PAIP2B: variants seen among roughly 807,000 people sequenced by gnomAD.
The protein encoded by PAIP2B is polyadenylate-binding protein-interacting protein 2B.
PAIP2B carries 13 observed loss-of-function variants against 17.0 expected under a neutral mutation model. The ratio of observed to expected loss-of-function variants is 0.76; its 90% CI spans 0.50 to 1.22. The LOEUF is 1.22. Among genes scored for constraint, PAIP2B ranks in the 50% most tolerant of loss-of-function variants. The pLI, the probability that PAIP2B is intolerant of heterozygous loss-of-function variation, is 0.00. For synonymous variants in PAIP2B, 43 were observed against 48.7 expected (o/e 0.88, Z 0.48); for missense variants, 117 against 144.5 (o/e 0.81, Z 0.98).
chr2:71,220,166 G>C (rs1463940724), intron 1 of PAIP2B, among the ~76,000 whole-genome samples: 1 of 152,152 alleles, frequency 6.6e-6, no homozygotes, highest in Non-Finnish European at 1.5e-5. Flanking sequence ...ATTTCCGAAG[G>C]TGCCTCTCAT....
In PAIP2B at chr2:71,190,446, A is replaced by T. The variant is rs971058013; in HGVS notation, c.139-425T>A. Reference sequence around the variant, plus strand: ...TTCTTTAAAAAATAAAAATATATTTAAAAAAAAGATTTTATGATCTTACAT... The same window carrying T: ...TTCTTTAAAAAATAAAAATATATTTTAAAAAAAGATTTTATGATCTTACAT... On this transcript the variant is annotated intron_variant, in intron 2 of 3. Coordinates refer to ENST00000244221, the MANE Select transcript of PAIP2B (RefSeq NM_020459.1). 2.9e-4 allele frequency among the ~76,000 whole-genome samples: 44 copies of T among 152,136 alleles called. No individual in the cohort carries two copies. In the Middle Eastern group the frequency reaches 0.014, roughly 47 times the overall value.
intron 2 of PAIP2B, among the ~76,000 whole-genome samples, chr2:71,198,435 G>A (rs551781059): frequency 1.6e-3 from 249 of 152,040 alleles, no homozygotes; most frequent in African/African-American, 5.3e-3. Context: ...ACAGGCGCCC[G>A]CTACCACGCC....
rs1455023771 is a variant in PAIP2B at position 71,188,289 on chromosome 2, T to C, written c.*190A>G. 9.3e-6 allele frequency: 5 copies of C among 535,404 alleles called. No individual in the cohort carries two copies. The highest frequency in any genetic ancestry group is 3.5e-5 in the Admixed American group (1 of 28,186). 33.2% of individuals were successfully genotyped at this position (535,404 alleles called of 1,614,324 possible). A position where few individuals can be genotyped will look rare whatever the true frequency, so the allele number is the denominator to read the frequency against. ...CCAAACAAAAGTCAGCAGAACAAAATAGAAATACTCAGAGGCTTAGAATAA... is the reference window on the plus strand; with the variant it reads ...CCAAACAAAAGTCAGCAGAACAAAACAGAAATACTCAGAGGCTTAGAATAA... On this transcript the variant is annotated 3_prime_UTR_variant, in exon 4 of 4. Transcript: ENST00000244221.
rs1207919037 is a variant in PAIP2B, at chr2:71,210,756, C to T, written c.-11-8156G>A. Among the ~76,000 whole-genome samples, 3 of 152,106 alleles carry T rather than the reference C, an allele frequency of 2.0e-5. No individual in the cohort carries two copies. The East Asian group carries it at 5.8e-4, about 29-fold the overall frequency. On this transcript the variant is annotated intron_variant, in intron 1 of 3. Coordinates refer to ENST00000244221, the MANE Select transcript of PAIP2B (RefSeq NM_020459.1). ...TGAGAAAGACAATATAAATACAATA[C>T]AACCTCTTTTTTATTAATGTTTAAA...
intron 2 of PAIP2B, among the ~76,000 whole-genome samples, chr2:71,199,096 T>C (rs968915867): frequency 1.3e-5 from 2 of 152,212 alleles, no homozygotes; most frequent in Non-Finnish European, 2.9e-5. Context: ...CCAGTACTTA[T>C]ATTGCTTTGT....
intron 2 of PAIP2B, among the ~76,000 whole-genome samples, chr2:71,201,738 C>T (rs1254700851): frequency 1.3e-5 from 2 of 152,152 alleles, no homozygotes; most frequent in South Asian, 2.1e-4. Flanking sequence ...TATCACATTT[C>T]CTATAAGCAA....
intron 2 of PAIP2B, among the ~76,000 whole-genome samples, chr2:71,194,758 T>C (rs1234650057): frequency 6.6e-6 from 1 of 152,192 alleles, no homozygotes; most frequent in Non-Finnish European, 1.5e-5. Flanking sequence ...GGACTTCCAA[T>C]ACTATGTTGA....
intron 1 of PAIP2B, among the ~76,000 whole-genome samples, chr2:71,220,415 T>C (rs1486748853): frequency 2.0e-5 from 3 of 152,226 alleles, no homozygotes; most frequent in Admixed American, 1.3e-4. Flanking sequence ...ATAGAAAGTA[T>C]ACAATAAACC....
At chr2:71,202,631 A>C (rs1488105843) in intron 1 of PAIP2B, 31 bp from the exon 2 acceptor site, 5 of 1,567,948 alleles carry the variant, frequency 3.2e-6, no homozygotes, top group Non-Finnish European at 4.4e-6. Context: ...AGATAAAATG[A>C]ATATAAGGAT....
intron 1 of PAIP2B, among the ~76,000 whole-genome samples, chr2:71,223,516 C>A (rs909669900): frequency 3.6e-4 from 54 of 151,626 alleles, no homozygotes; most frequent in African/African-American, 1.2e-3. Context: ...CGGCTCACTG[C>A]AACCTCCACC....
At chr2:71,210,672 C>T (rs1156234521) in intron 1 of PAIP2B, among the ~76,000 whole-genome samples, 1 of 152,130 alleles carries the variant, frequency 6.6e-6, no homozygotes, top group Non-Finnish European at 1.5e-5. Context: ...TAAAATATAT[C>T]AAAACAAAGG....
At chr2:71,189,272 C>T (rs977100173) in intron 3 of PAIP2B, among the ~76,000 whole-genome samples, 7 of 152,160 alleles carry the variant, frequency 4.6e-5, no homozygotes, top group Non-Finnish European at 7.3e-5. Context: ...CTCAGCCTCC[C>T]AAAGTGCTGG....
chr2:71,189,758 G>C, intron 3 of PAIP2B, 87 bp downstream of exon 3: 1 of 1,302,214 alleles, frequency 7.7e-7, no homozygotes, highest in Admixed American at 2.6e-5. Context: ...GACTTGTTGA[G>C]GGTTGTAGGG....
chr2:71,185,269 C>G lies in PAIP2B; in HGVS notation c.*3210G>C, dbSNP rs1674506443. On this transcript the variant is annotated 3_prime_UTR_variant, in exon 4 of 4. Coordinates refer to ENST00000244221, the MANE Select transcript of PAIP2B (RefSeq NM_020459.1). ...CATTATAACCTTAATTAAAGAGACC[C>G]CAGGCTGGGGTGGCTCACCACACCC... The G allele has an allele frequency of 6.6e-6, 1 of 151,994 alleles. No individual in the cohort carries two copies. Among genetic ancestry groups the G allele is most frequent in the African/African-American group, 2.4e-5 (1 of 41,384 alleles). The allele number at this position is 151,994 out of a possible 1,614,324, so 9.4% of individuals were successfully genotyped here. A position where few individuals can be genotyped will look rare whatever the true frequency, so the allele number is the denominator to read the frequency against.
intron 1 of PAIP2B, among the ~76,000 whole-genome samples, chr2:71,221,716 T>G (rs1675585282): frequency 1.3e-5 from 2 of 152,162 alleles, no homozygotes; most frequent in Admixed American, 1.3e-4. Context: ...CTAAAGAAAC[T>G]CTCCAAAGGG....
chr2:71,218,670 T>G (rs1675494406), intron 1 of PAIP2B, among the ~76,000 whole-genome samples: 1 of 152,104 alleles, frequency 6.6e-6, no homozygotes, highest in Non-Finnish European at 1.5e-5. Flanking sequence ...CTTGCTCAAG[T>G]CCATTAAAAT....
intron 2 of PAIP2B, among the ~76,000 whole-genome samples, chr2:71,192,341 AG>A (rs1182620167): frequency 2.0e-5 from 3 of 151,612 alleles, no homozygotes; most frequent in African/African-American, 7.3e-5. Flanking sequence ...TTTTATCAAC[AG>A]CATGTGCTCA....
At chr2:71,217,869 C>T (rs577089486) in intron 1 of PAIP2B, among the ~76,000 whole-genome samples, 4 of 152,186 alleles carry the variant, frequency 2.6e-5, no homozygotes, top group South Asian at 2.1e-4. Context: ...GAATTCAGGA[C>T]CAGCCTGGGC....
In PAIP2B at chr2:71,188,142, C is replaced by G; in HGVS notation, c.*337G>C. The stretch of plus-strand genomic sequence containing the variant: ...GTGAGAGGGGCATTTCCTAAATATC[C>G]AGTTTTTCTTAGTCAGCTTATTTTG... On this transcript the variant is annotated 3_prime_UTR_variant, in exon 4 of 4. Transcript: ENST00000244221. The G allele has an allele frequency of 4.0e-6, 1 of 247,726 alleles. No homozygotes were observed. 15.3% of individuals were successfully genotyped at this position (247,726 alleles called of 1,614,324 possible). A position where few individuals can be genotyped will look rare whatever the true frequency, so the allele number is the denominator to read the frequency against.
Sources: allele counts gnomAD v4.1 joint callset (sites outside exome capture counted in the v4.1 genomes callset), GRCh38; gene constraint gnomAD v4.1.1; transcripts MANE v1.5; gene names NCBI Gene and HGNC (gene_info 2026-07-23, HGNC 2026-07-21).